MARCHF4: variants seen among roughly 807,000 people sequenced by gnomAD.
The protein encoded by MARCHF4 is E3 ubiquitin-protein ligase MARCHF4.
MARCHF4 carries 14 observed loss-of-function variants against 43.9 expected under a neutral mutation model. The ratio of observed to expected loss-of-function variants is 0.32; its 90% CI spans 0.21 to 0.50. The LOEUF (loss-of-function observed/expected upper bound fraction) is 0.50. Among genes scored for constraint, MARCHF4 ranks in the 20% least tolerant of loss-of-function variants. The pLI, the probability that MARCHF4 is intolerant of heterozygous loss-of-function variation, is 0.98. For missense variants in MARCHF4, 468 were observed against 536.7 expected (o/e 0.87, Z 1.27); for synonymous variants, 226 against 213.3 (o/e 1.06, Z -0.52).
chr2:216,296,396 C>T (rs530077922), intron 1 of MARCHF4, among the ~76,000 whole-genome samples: 10 of 152,204 alleles, frequency 6.6e-5, no homozygotes, highest in South Asian at 2.1e-4. Context: ...CTGCACCTGC[C>T]GGCCTCCATG....
intron 1 of MARCHF4, among the ~76,000 whole-genome samples, chr2:216,367,537 C>G (rs1458791987): frequency 1.3e-5 from 2 of 152,196 alleles, no homozygotes; most frequent in African/African-American, 2.4e-5. Flanking sequence ...ATAACACAAT[C>G]CCATTAAAGC....
intron 2 of MARCHF4, among the ~76,000 whole-genome samples, chr2:216,282,238 T>A (rs1691140766): frequency 6.6e-6 from 1 of 152,136 alleles, no homozygotes; most frequent in Admixed American, 6.5e-5. Flanking sequence ...GGGCTTTTAG[T>A]GCCACCTTCC....
At chr2:216,344,393 T>G in intron 1 of MARCHF4, among the ~76,000 whole-genome samples, 1 of 152,108 alleles carries the variant, frequency 6.6e-6, no homozygotes, top group East Asian at 1.9e-4. Flanking sequence ...CTCGTAGAAT[T>G]GATTTCATGA....
chr2:216,274,649 G>T (rs1690993178), intron 3 of MARCHF4, among the ~76,000 whole-genome samples: 1 of 152,042 alleles, frequency 6.6e-6, no homozygotes, highest in Non-Finnish European at 1.5e-5. Context: ...CCATTGCCTT[G>T]CACCTCCCAC....
intron 1 of MARCHF4, among the ~76,000 whole-genome samples, chr2:216,357,091 G>T (rs554942251): frequency 6.6e-6 from 1 of 151,900 alleles, no homozygotes; most frequent in Non-Finnish European, 1.5e-5. Flanking sequence ...TTCCCCAAAG[G>T]TTAAATCTCA....
chr2:216,354,941 TTC>T (rs1299435508), intron 1 of MARCHF4, among the ~76,000 whole-genome samples: 5 of 141,246 alleles, frequency 3.5e-5, no homozygotes, highest in Non-Finnish European at 6.1e-5. Flanking sequence ...CTTTCTTTCT[TTC>T]TTTCTTTCTT....
chr2:216,280,994 CT>C (rs1691117227), intron 2 of MARCHF4, among the ~76,000 whole-genome samples: 1 of 150,820 alleles, frequency 6.6e-6, no homozygotes, highest in Non-Finnish European at 1.5e-5. Context: ...GGAAATATTG[CT>C]TCTGGAGGGT....
At chr2:216,314,326 C>CTT (rs5838577) in intron 1 of MARCHF4, among the ~76,000 whole-genome samples, 4 of 139,390 alleles carry the variant, frequency 2.9e-5, no homozygotes, top group Admixed American at 7.2e-5. Flanking sequence ...GATGTAACTA[C>CTT]TTTTTTTTTT....
At chr2:216,289,062 T>C (rs1292306999) in intron 1 of MARCHF4, among the ~76,000 whole-genome samples, 1 of 147,774 alleles carries the variant, frequency 6.8e-6, no homozygotes, top group Admixed American at 6.8e-5. Context: ...CATATATATA[T>C]ATATATTTAT....
At chr2:216,321,795 C>G (rs962686069) in intron 1 of MARCHF4, 1 of 152,144 alleles carries the variant, frequency 6.6e-6, no homozygotes, top group African/African-American at 2.4e-5. Context: ...ACTAATCAGG[C>G]GGGAGTGCTG....
intron 1 of MARCHF4, among the ~76,000 whole-genome samples, chr2:216,341,683 G>A (rs1021595212): frequency 1.7e-4 from 26 of 152,226 alleles, no homozygotes; most frequent in African/African-American, 5.3e-4. Flanking sequence ...GGTGCCTCCC[G>A]ATGGGAATCT....
chr2:216,348,516 A>G (rs1356318838), intron 1 of MARCHF4, among the ~76,000 whole-genome samples: 1 of 152,130 alleles, frequency 6.6e-6, no homozygotes, highest in African/African-American at 2.4e-5. Context: ...CAGTGCCATG[A>G]CAGTTTACGG....
chr2:216,368,412 G>C (rs1409933249), intron 1 of MARCHF4, among the ~76,000 whole-genome samples: 1 of 152,206 alleles, frequency 6.6e-6, no homozygotes, highest in African/African-American at 2.4e-5. Flanking sequence ...GTAATCTTAA[G>C]ATGGAAGAAC....
chr2:216,301,473 C>T (rs979146557), intron 1 of MARCHF4, among the ~76,000 whole-genome samples: 33 of 152,216 alleles, frequency 2.2e-4, no homozygotes, highest in Non-Finnish European at 7.3e-5. Context: ...AATATAAGCT[C>T]AACTCCCCAG....
intron 2 of MARCHF4, among the ~76,000 whole-genome samples, chr2:216,283,234 C>T (rs1691160682): frequency 6.6e-6 from 1 of 151,696 alleles, no homozygotes; most frequent in Non-Finnish European, 1.5e-5. Flanking sequence ...TTCTTCCTTT[C>T]CTTTCCTTCT....
intron 1 of MARCHF4, among the ~76,000 whole-genome samples, chr2:216,304,559 C>T (rs577273177): frequency 5.1e-4 from 78 of 152,220 alleles, no homozygotes; most frequent in Non-Finnish European, 9.1e-4. Context: ...ATTCTCCTTG[C>T]ACTCTCATCC....
intron 3 of MARCHF4, among the ~76,000 whole-genome samples, chr2:216,268,002 CG>C (rs1190502095): frequency 6.6e-6 from 1 of 152,178 alleles, no homozygotes; most frequent in Non-Finnish European, 1.5e-5. Context: ...GGAGTTAACA[CG>C]GAATCTAGAA....
chr2:216,267,804 C>T (rs1410006446), intron 3 of MARCHF4, among the ~76,000 whole-genome samples: 1 of 152,184 alleles, frequency 6.6e-6, no homozygotes, highest in Non-Finnish European at 1.5e-5. Context: ...AAGACAGTTC[C>T]CAAGAAATAT....
At chr2:216,306,596 T>G (rs1166571017) in intron 1 of MARCHF4, among the ~76,000 whole-genome samples, 1 of 152,182 alleles carries the variant, frequency 6.6e-6, no homozygotes, top group East Asian at 1.9e-4. Flanking sequence ...CTTCTAAATA[T>G]CATCAGAGTG....
Sources: gnomAD v4.1 joint callset for allele counts (sites outside exome capture counted in the v4.1 genomes callset) on GRCh38, gnomAD v4.1.1 for gene constraint, MANE v1.5 for transcripts, NCBI Gene and HGNC (gene_info 2026-07-23, HGNC 2026-07-21) for gene names.